Variants in SLC36A1 observed in about 807,000 individuals in gnomAD.
SLC36A1 encodes proton-coupled amino acid transporter 1.
SLC36A1 carries 30 observed loss-of-function variants against 47.5 expected under a neutral mutation model. The ratio of observed to expected loss-of-function variants is 0.63; its 90% CI spans 0.47 to 0.86. The LOEUF (loss-of-function observed/expected upper bound fraction) is 0.86, where lower values mean the gene tolerates loss of function less well. Among genes scored for constraint, SLC36A1 ranks in the 40% least tolerant of loss-of-function variants. The pLI is 0.00. For missense variants in SLC36A1, 517 were observed against 606.0 expected (o/e 0.85, Z 1.54); for synonymous variants, 255 against 249.7 (o/e 1.02, Z -0.20).
chr5:151,466,141 A>G (rs1561753487), intron 5 of SLC36A1, among the ~76,000 whole-genome samples: 1 of 152,084 alleles, frequency 6.6e-6, no homozygotes, highest in East Asian at 1.9e-4. Flanking sequence ...GTGGTTGTTA[A>G]TTCTTCCTTC....
the SLC36A1 span, among the ~76,000 whole-genome samples, chr5:151,408,852 C>T: frequency 3.2e-4 from 49 of 152,294 alleles, no homozygotes; most frequent in Non-Finnish European, 6.8e-4. Flanking sequence ...ATATTTATAG[C>T]AACTGGTTTC....
chr5:151,349,596 G>A, the SLC36A1 span, among the ~76,000 whole-genome samples: 7 of 152,232 alleles, frequency 4.6e-5, no homozygotes, highest in African/African-American at 1.4e-4. Flanking sequence ...GCTTGGATGG[G>A]GTGTTTGGTA....
chr5:151,527,321 A>T, the SLC36A1 span: 2 of 1,613,732 alleles, frequency 1.2e-6, no homozygotes, highest in South Asian at 1.1e-5. Flanking sequence ...CTGTGTCCTC[A>T]TGCAGTGGAG....
At chr5:151,549,306 G>C in the SLC36A1 span, 4 of 1,612,798 alleles carry the variant, frequency 2.5e-6, no homozygotes, top group Non-Finnish European at 3.4e-6. Context: ...TTTCAGGAGG[G>C]AGTAGTGGAC....
At chr5:151,350,992 T>C in the SLC36A1 span, among the ~76,000 whole-genome samples, 1 of 152,164 alleles carries the variant, frequency 6.6e-6, no homozygotes, top group Non-Finnish European at 1.5e-5. Context: ...ACAATACTGC[T>C]CCCTTTCTGA....
At chr5:151,463,495 G>C in intron 2 of SLC36A1, 58 bp from the exon 3 acceptor site, 2 of 1,215,928 alleles carry the variant, frequency 1.6e-6, no homozygotes, top group Non-Finnish European at 2.4e-6. Flanking sequence ...TAAGCACTGA[G>C]ATCCTAATAA....
the SLC36A1 span, among the ~76,000 whole-genome samples, chr5:151,388,059 A>G: frequency 7.2e-5 from 11 of 152,214 alleles, no homozygotes; most frequent in Admixed American, 2.6e-4. Context: ...AAAAGTCTAC[A>G]TTCTGTAGAG....
chr5:151,533,741 A>G, the SLC36A1 span, among the ~76,000 whole-genome samples: 513 of 152,024 alleles, frequency 3.4e-3, 1 homozygote, highest in African/African-American at 0.011. Flanking sequence ...ACATACACAC[A>G]TACATATATA....
At chr5:151,539,631 A>G in the SLC36A1 span, among the ~76,000 whole-genome samples, 4 of 152,202 alleles carry the variant, frequency 2.6e-5, no homozygotes, top group East Asian at 5.8e-4. Flanking sequence ...ATGTTATAAA[A>G]TTAAAATGTT....
chr5:151,366,276 G>A, the SLC36A1 span, among the ~76,000 whole-genome samples: 1 of 152,206 alleles, frequency 6.6e-6, no homozygotes, highest in African/African-American at 2.4e-5. Flanking sequence ...CAACACTGTG[G>A]TGGCCCCATA....
the SLC36A1 span, among the ~76,000 whole-genome samples, chr5:151,361,045 T>C: frequency 6.6e-6 from 1 of 152,256 alleles, no homozygotes; most frequent in Admixed American, 6.5e-5. Flanking sequence ...AGTAATGTTA[T>C]GTACAACATC....
chr5:151,426,994 G>A, the SLC36A1 span, among the ~76,000 whole-genome samples: 1 of 152,298 alleles, frequency 6.6e-6, no homozygotes, highest in Admixed American at 6.5e-5. Context: ...ATGGTTCTGC[G>A]AGCACAGGGT....
chr5:151,492,588 C>A (rs764251265), downstream of SLC36A1, among the ~76,000 whole-genome samples: 1 of 152,034 alleles, frequency 6.6e-6, no homozygotes, highest in Non-Finnish European at 1.5e-5. Context: ...ACAATCCTCC[C>A]CTCCCTAAAC....
the SLC36A1 span, among the ~76,000 whole-genome samples, chr5:151,384,409 A>G: frequency 0.5 from 75,357 of 152,060 alleles, 20,701 homozygotes; most frequent in African/African-American, 0.75. Flanking sequence ...TATGGGTTGT[A>G]TATTTAAAAC....
At chr5:151,374,002 C>A in the SLC36A1 span, among the ~76,000 whole-genome samples, 1,174 of 152,272 alleles carry the variant, frequency 7.7e-3, 19 homozygotes, top group African/African-American at 0.027. Context: ...GAAAGATTCT[C>A]CCCGGGGCCT....
At chr5:151,439,401 TC>T (rs1561711193) in intron 1 of SLC36A1, among the ~76,000 whole-genome samples, 2 of 152,162 alleles carry the variant, frequency 1.3e-5, no homozygotes, top group Non-Finnish European at 2.9e-5. Flanking sequence ...ACTCCCGTAA[TC>T]CCAGCACTTT....
the SLC36A1 span, chr5:151,382,080 A>G: frequency 3.9e-6 from 3 of 775,260 alleles, no homozygotes; most frequent in Admixed American, 5.8e-5. Flanking sequence ...TGTAACCCCC[A>G]AAGAGAGCCT....
At chr5:151,481,504 A>AT (rs1426792636) in intron 10 of SLC36A1, among the ~76,000 whole-genome samples, 3 of 151,866 alleles carry the variant, frequency 2.0e-5, no homozygotes, top group South Asian at 2.1e-4. Flanking sequence ...TCTTTAATTG[A>AT]TTTTTTTCAT....
intron 9 of SLC36A1, among the ~76,000 whole-genome samples, chr5:151,479,079 T>G (rs1758466742): frequency 6.6e-6 from 1 of 152,202 alleles, no homozygotes; most frequent in South Asian, 2.1e-4. Context: ...ATTTAAATTG[T>G]TTTCAGTCTT....
Sources: gnomAD v4.1 joint callset for allele counts (sites outside exome capture counted in the v4.1 genomes callset) on GRCh38, gnomAD v4.1.1 for gene constraint, MANE v1.5 for transcripts, NCBI Gene and HGNC (gene_info 2026-07-23, HGNC 2026-07-21) for gene names.